SNTG1: variants seen among roughly 807,000 people sequenced by gnomAD.
The protein encoded by SNTG1 is gamma-1-syntrophin.
SNTG1 carries 39 observed loss-of-function variants against 74.7 expected under a neutral mutation model. The observed-to-expected ratio is 0.52, with a 90% CI of 0.40 to 0.68. The LOEUF (loss-of-function observed/expected upper bound fraction) is 0.68, where lower values mean the gene tolerates loss of function less well. Among genes scored for constraint, SNTG1 ranks in the 30% least tolerant of loss-of-function variants. The pLI is 0.00. For missense variants in SNTG1, 685 were observed against 609.5 expected, an observed-to-expected ratio of 1.12 and a Z score of -1.30; for synonymous variants, 254 against 217.1, an observed-to-expected ratio of 1.17 and a Z score of -1.49.
chr8:50,540,842 C>A (rs1563546200), intron 11 of SNTG1, among the ~76,000 whole-genome samples: 1 of 151,844 alleles, frequency 6.6e-6, no homozygotes, highest in Non-Finnish European at 1.5e-5. Context: ...ATTCTTCTAT[C>A]CTATTCTTTA....
intron 2 of SNTG1, among the ~76,000 whole-genome samples, chr8:50,318,000 C>A (rs34018161): frequency 5.3e-5 from 8 of 152,144 alleles, no homozygotes; most frequent in Admixed American, 3.9e-4. Flanking sequence ...CCACGCCCGG[C>A]TAATTTTTTG....
At chr8:50,069,614 T>G in intron 1 of SNTG1, among the ~76,000 whole-genome samples, 1 of 118,138 alleles carries the variant, frequency 8.5e-6, no homozygotes, top group Admixed American at 8.7e-5. Flanking sequence ...TTTTTTTTTT[T>G]TTTTTTTTGC....
chr8:49,988,912 T>C (rs1813422787), intron 1 of SNTG1, among the ~76,000 whole-genome samples: 2 of 151,808 alleles, frequency 1.3e-5, no homozygotes, highest in African/African-American at 4.8e-5. Context: ...AGAAAAAATA[T>C]AGTAACAGTA....
At chr8:50,709,176 CA>C (rs2095454360) in intron 17 of SNTG1, 198 bp downstream of exon 17, 1 of 554,834 alleles carries the variant, frequency 1.8e-6, no homozygotes, top group Non-Finnish European at 3.2e-6. Flanking sequence ...TGTAGTACCA[CA>C]AAACTATAAC....
intron 1 of SNTG1, among the ~76,000 whole-genome samples, chr8:50,091,539 A>G (rs1416957699): frequency 3.3e-5 from 5 of 152,162 alleles, no homozygotes; most frequent in Admixed American, 3.3e-4. Context: ...ATCATGCAGC[A>G]TTGTCTTTCT....
intron 1 of SNTG1, among the ~76,000 whole-genome samples, chr8:50,147,625 A>G (rs1288833272): frequency 6.6e-6 from 1 of 152,204 alleles, no homozygotes; most frequent in Non-Finnish European, 1.5e-5. Context: ...TTTTTCTGTC[A>G]GAGGAATAAG....
intron 4 of SNTG1, among the ~76,000 whole-genome samples, chr8:50,413,385 A>G (rs1392436600): frequency 6.6e-6 from 1 of 152,138 alleles, no homozygotes; most frequent in East Asian, 1.9e-4. Flanking sequence ...TGTATTTTGT[A>G]ATATTTTCAT....
chr8:50,584,498 A>T (rs548992918), intron 12 of SNTG1, among the ~76,000 whole-genome samples: 1 of 143,466 alleles, frequency 7.0e-6, no homozygotes, highest in African/African-American at 2.6e-5. Context: ...GTTTTGATTT[A>T]CATTTCTCTG....
intron 9 of SNTG1, among the ~76,000 whole-genome samples, chr8:50,507,444 C>T (rs1325751120): frequency 6.6e-6 from 1 of 151,928 alleles, no homozygotes; most frequent in Non-Finnish European, 1.5e-5. Context: ...ACAGTAAAAC[C>T]ATCTGGTCAT....
intron 15 of SNTG1, among the ~76,000 whole-genome samples, chr8:50,704,064 G>A (rs565758096): frequency 8.6e-5 from 13 of 151,894 alleles, no homozygotes; most frequent in African/African-American, 1.9e-4. Context: ...CATCAAAGTC[G>A]TTTTTTTGAT....
chr8:50,436,392 T>G (rs954491206), intron 4 of SNTG1, among the ~76,000 whole-genome samples: 8 of 152,142 alleles, frequency 5.3e-5, no homozygotes, highest in African/African-American at 1.9e-4. Flanking sequence ...TATTCTATGA[T>G]GTAAATATAT....
intron 18 of SNTG1, among the ~76,000 whole-genome samples, chr8:50,788,694 A>ATTCACT (rs906168089): frequency 2.0e-5 from 3 of 152,014 alleles, no homozygotes; most frequent in Non-Finnish European, 4.4e-5. Context: ...ATAAGTTAGT[A>ATTCACT]GTTTGTCCAA....
intron 8 of SNTG1, among the ~76,000 whole-genome samples, chr8:50,475,939 A>G (rs1005947620): frequency 6.6e-6 from 1 of 152,212 alleles, no homozygotes; most frequent in Admixed American, 6.5e-5. Context: ...GGAAAACTTC[A>G]GAAATAAACA....
intron 1 of SNTG1, among the ~76,000 whole-genome samples, chr8:49,932,053 A>G (rs2129358212): frequency 6.6e-6 from 1 of 152,304 alleles, no homozygotes; most frequent in East Asian, 1.9e-4. Context: ...GAAAAAAGTT[A>G]TACAATTGAA....
chr8:50,118,581 G>A (rs2080901578), intron 1 of SNTG1, among the ~76,000 whole-genome samples: 1 of 97,024 alleles, frequency 1.0e-5, no homozygotes, highest in African/African-American at 3.4e-5. Context: ...AGCCAATCAT[G>A]TGAGGAGTTC....
intron 2 of SNTG1, among the ~76,000 whole-genome samples, chr8:50,265,913 G>GA (rs1024611312): frequency 1.9e-4 from 29 of 151,868 alleles, no homozygotes; most frequent in African/African-American, 6.0e-4. Context: ...GTGAAAACTA[G>GA]AAAAAAATTA....
At chr8:50,502,212 G>T (rs1417114576) in intron 8 of SNTG1, among the ~76,000 whole-genome samples, 2 of 152,136 alleles carry the variant, frequency 1.3e-5, no homozygotes, top group South Asian at 4.1e-4. Context: ...ATATTAAGTA[G>T]AATATGTAAT....
chr8:50,515,827 C>T (rs1410652815), intron 9 of SNTG1, among the ~76,000 whole-genome samples: 3 of 152,058 alleles, frequency 2.0e-5, no homozygotes, highest in Non-Finnish European at 2.9e-5. Flanking sequence ...ATAAAACTCC[C>T]GTCTCCCTGG....
chr8:50,439,715 G>GTTTTT (rs2093340274), intron 5 of SNTG1, among the ~76,000 whole-genome samples: 2 of 128,196 alleles, frequency 1.6e-5, no homozygotes, highest in African/African-American at 5.9e-5. Context: ...TTTTTGTTTT[G>GTTTTT]CTTTTTTTTT....
Sources: gnomAD v4.1 joint callset for allele counts (sites outside exome capture counted in the v4.1 genomes callset) on GRCh38, gnomAD v4.1.1 for gene constraint, MANE v1.5 for transcripts, NCBI Gene and HGNC (gene_info 2026-07-23, HGNC 2026-07-21) for gene names.